Variants in PPP2R3B observed in about 807,000 individuals in gnomAD.
PPP2R3B encodes serine/threonine-protein phosphatase 2A regulatory subunit B'' subunit beta.
Under a neutral mutation model 72.9 loss-of-function variants are expected in PPP2R3B, and 68 were observed. That is an observed-to-expected ratio of 0.93 (90% CI 0.77 to 1.14). The LOEUF (loss-of-function observed/expected upper bound fraction) is 1.14. Among genes scored for constraint, PPP2R3B ranks in the 50% most tolerant of loss-of-function variants. The pLI is 0.00. For synonymous variants in PPP2R3B, 466 were observed against 375.8 expected (o/e 1.24, Z -2.78); for missense variants, 1,018 against 842.0 (o/e 1.21, Z -2.59).
At chrX:336,117 G>A (rs1189726711) in intron 12 of PPP2R3B, 2 of 152,208 alleles carry the variant, frequency 1.3e-5, no homozygotes, top group African/African-American at 2.4e-5. Flanking sequence ...GCAGTGAGCT[G>A]AGATTGCGCC....
In PPP2R3B at chrX:361,533, A is replaced by G. The variant is rs779563080; in HGVS notation, c.382T>C (p.Phe128Leu). 39 of 1,613,872 alleles carry G rather than the reference A, an allele frequency of 2.4e-5. No homozygotes were observed. The highest frequency in any genetic ancestry group is 3.2e-5 in the Non-Finnish European group (38 of 1,179,858). Residue 128 changes from phenylalanine (F) to leucine (L), a missense_variant, in exon 2 of 13, where the codon TTC becomes CTC. Phe to Leu is a conservative substitution (Grantham distance 22). Transcript: ENST00000390665. Reference protein sequence around the residue: ...PPATSQSIPTFYFPRGRPQDS... With the variant: ...PPATSQSIPTLYFPRGRPQDS... The stretch of plus-strand genomic sequence containing the variant: ...TGCGGGCGTCCTCTGGGGAAGTAGA[A>G]GGTCGGAATGCTTTGGCTCGTGGCC...
Position 386,705 on chromosome X carries a change from C to T in PPP2R3B, c.-14G>A. ...GCCGGGCGGCATGGCGGGGGCTGGG[C>T]CCGCGGCGCCCCCGGACGCCCGCGC... On this transcript the variant is annotated 5_prime_UTR_variant, in exon 1 of 13. Coordinates refer to ENST00000390665, the MANE Select transcript of PPP2R3B (RefSeq NM_013239.5). 1 of 1,256,290 alleles carries T rather than the reference C, an allele frequency of 8.0e-7. No homozygotes were observed. 77.8% of individuals were successfully genotyped at this position (1,256,290 alleles called of 1,614,324 possible).
At chrX:380,743 G>A (rs1454720859) in intron 1 of PPP2R3B, among the ~76,000 whole-genome samples, 4 of 135,948 alleles carry the variant, frequency 2.9e-5, no homozygotes, top group African/African-American at 5.5e-5. Flanking sequence ...CCGAAATTGC[G>A]TCATTGCACT....
At chrX:369,159 G>C (rs1028790290) in intron 1 of PPP2R3B, among the ~76,000 whole-genome samples, 15 of 152,184 alleles carry the variant, frequency 9.9e-5, no homozygotes, top group African/African-American at 3.4e-4. Context: ...CGTAGCCGGT[G>C]AGGCCAGGCA....
At chrX:334,587 ACAGGCTGCTCGGCCGC>A (rs1432300108) in intron 12 of PPP2R3B, 70 bp from the exon 13 acceptor site, 1 of 1,374,988 alleles carries the variant, frequency 7.3e-7, no homozygotes, top group African/African-American at 1.5e-5. Flanking sequence ...TCCGGGAAAC[ACAGGCTGCTCGGCCGC>A]CAACCTCCAG....
chrX:339,271 C>CG lies in PPP2R3B; in HGVS notation c.1352-376_1352-375insC, dbSNP rs1556105390. 1.6e-4 allele frequency among the ~76,000 whole-genome samples: 7 copies of CG among 43,750 alleles called. No individual in the cohort carries two copies. In the East Asian group the frequency reaches 5.9e-3, roughly 37 times the overall value. 28.7% of individuals were successfully genotyped at this position (43,750 alleles called of 152,430 possible). ...CTGAGCAGCAGGAGGCGCCCCATGG[C>CG]CGGGGGGGGCAGGGCTGCAGGGCGG... On this transcript the variant is annotated intron_variant, in intron 10 of 12. Transcript: ENST00000390665.
intron 1 of PPP2R3B, among the ~76,000 whole-genome samples, chrX:364,229 G>A (rs373719221): frequency 7.2e-5 from 11 of 152,180 alleles, no homozygotes; most frequent in East Asian, 3.9e-4. Flanking sequence ...TCCCCAGCGC[G>A]CCTCCGGCCC....
chrX:374,764 C>T (rs1413173692), intron 1 of PPP2R3B, among the ~76,000 whole-genome samples: 1 of 152,148 alleles, frequency 6.6e-6, no homozygotes, highest in Non-Finnish European at 1.5e-5. Flanking sequence ...ACTATCACCC[C>T]GAGTCAACAG....
intron 5 of PPP2R3B, 83 bp from the exon 6 acceptor site, chrX:346,343 G>A (rs1186005094): frequency 1.4e-6 from 2 of 1,389,266 alleles, no homozygotes; most frequent in African/African-American, 2.9e-5. Flanking sequence ...CCGGGAGAGG[G>A]GCGCGCCCTT....
At chrX:364,626 G>A (rs2071656074) in intron 1 of PPP2R3B, among the ~76,000 whole-genome samples, 1 of 147,276 alleles carries the variant, frequency 6.8e-6, no homozygotes, top group Non-Finnish European at 1.5e-5. Flanking sequence ...GCTGAGGCAG[G>A]AGAATCGCTT....
intron 1 of PPP2R3B, among the ~76,000 whole-genome samples, chrX:369,462 T>A (rs1465166986): frequency 6.6e-6 from 1 of 152,156 alleles, no homozygotes; most frequent in Admixed American, 6.5e-5. Flanking sequence ...CACAGATACA[T>A]GTGTCGCCCT....
chrX:378,452 G>A (rs1403993989), intron 1 of PPP2R3B, among the ~76,000 whole-genome samples: 2 of 152,188 alleles, frequency 1.3e-5, no homozygotes, highest in Non-Finnish European at 2.9e-5. Context: ...AAGGCGACCT[G>A]CCCTTTGTGA....
At chrX:357,157 A>G (rs1173747109) in intron 2 of PPP2R3B, among the ~76,000 whole-genome samples, 1 of 151,688 alleles carries the variant, frequency 6.6e-6, no homozygotes, top group Non-Finnish European at 1.5e-5. Flanking sequence ...GACCGGAAGC[A>G]CATCTGCAGC....
At chrX:347,908 C>G in intron 2 of PPP2R3B, 1 of 544,502 alleles carries the variant, frequency 1.8e-6, no homozygotes, top group South Asian at 2.6e-5. Flanking sequence ...GTGCCGGGCA[C>G]GCAGTATCCC....
At chrX:361,628 G>C (rs770148759) in intron 1 of PPP2R3B, 38 bp from the exon 2 acceptor site, 3 of 1,606,148 alleles carry the variant, frequency 1.9e-6, no homozygotes, top group Admixed American at 1.7e-5. Flanking sequence ...TAGAACCTGG[G>C]AGCATCGAAC....
Position 334,043 on chromosome X carries a change from G to C in PPP2R3B, c.*324C>G. ...TCCAGGACTGAGGCGCCCGGGAGCCGCCGGTCACCGTTGTGCGCACACGGA... is the reference window on the plus strand; with the variant it reads ...TCCAGGACTGAGGCGCCCGGGAGCCCCCGGTCACCGTTGTGCGCACACGGA... On this transcript the variant is annotated 3_prime_UTR_variant, in exon 13 of 13. Coordinates refer to ENST00000390665, the MANE Select transcript of PPP2R3B (RefSeq NM_013239.5). The C allele has an allele frequency of 3.8e-6, 1 of 263,486 alleles. No individual in the cohort carries two copies. Among genetic ancestry groups the C allele is most frequent in the Non-Finnish European group, 7.1e-6 (1 of 140,572 alleles). 16.3% of individuals were successfully genotyped at this position (263,486 alleles called of 1,614,324 possible).
chrX:341,175 C>T, intron 9 of PPP2R3B, 132 bp downstream of exon 9: 4 of 832,442 alleles, frequency 4.8e-6, no homozygotes, highest in Non-Finnish European at 7.9e-6. Context: ...GCAGCCCCCA[C>T]CGGGCGTGCA....
intron 1 of PPP2R3B, among the ~76,000 whole-genome samples, chrX:372,440 A>T (rs1023073383): frequency 2.6e-5 from 4 of 152,188 alleles, no homozygotes; most frequent in African/African-American, 4.8e-5. Flanking sequence ...AGCGCGTCTG[A>T]TGTGCCACGT....
chrX:383,549 C>T (rs775495599), intron 1 of PPP2R3B, among the ~76,000 whole-genome samples: 19 of 152,072 alleles, frequency 1.2e-4, no homozygotes, highest in South Asian at 2.1e-4. Flanking sequence ...TAAAAATACA[C>T]GGCTGTCGGC....
Sources: gnomAD v4.1 joint callset for allele counts (sites outside exome capture counted in the v4.1 genomes callset) on GRCh38, gnomAD v4.1.1 for gene constraint, MANE v1.5 for transcripts, NCBI Gene and HGNC (gene_info 2026-07-23, HGNC 2026-07-21) for gene names.